WIPI1: variants seen among roughly 807,000 people sequenced by gnomAD.
WIPI1 encodes the protein WD repeat domain phosphoinositide-interacting protein 1.
WIPI1 carries 45 observed loss-of-function variants against 55.3 expected under a neutral mutation model. The ratio of observed to expected loss-of-function variants is 0.81; its 90% CI spans 0.64 to 1.04. WIPI1 has a LOEUF of 1.04. Among genes scored for constraint, WIPI1 ranks in the 50% least tolerant of loss-of-function variants. WIPI1 has a pLI of 0.00. For missense variants in WIPI1, 445 were observed against 559.0 expected (o/e 0.80, Z 2.06); for synonymous variants, 195 against 217.6 (o/e 0.90, Z 0.92).
At chr17:68,437,948 T>TAAAAAAAAAA (rs199649033) in intron 4 of WIPI1, among the ~76,000 whole-genome samples, 31 of 78,796 alleles carry the variant, frequency 3.9e-4, no homozygotes, top group African/African-American at 8.6e-4. Flanking sequence ...ACATCTCTCT[T>TAAAAAAAAAA]AAAAAAAAAA....
chr17:68,427,068 C>G (rs1016683749), intron 11 of WIPI1, 67 bp downstream of exon 11: 2 of 1,302,826 alleles, frequency 1.5e-6, no homozygotes, highest in Non-Finnish European at 2.2e-6. Flanking sequence ...GGGGAGGGAG[C>G]GTGCAGGGAG....
At position 68,457,480 on chromosome 17, in the gene WIPI1, G is replaced by T. The variant is rs1360378002; in HGVS notation, c.-59C>A. ...CCGGCGACAGCCACCTCAGCAGCCCGCCCGCGCCGGCTCCACGGGCCGGGT... is the reference window on the plus strand; with the variant it reads ...CCGGCGACAGCCACCTCAGCAGCCCTCCCGCGCCGGCTCCACGGGCCGGGT... On this transcript the variant is annotated 5_prime_UTR_variant, in exon 1 of 13. Transcript: ENST00000262139. The T allele has an allele frequency of 3.7e-6, 5 of 1,340,452 alleles. No homozygotes were observed. The highest frequency in any genetic ancestry group is 2.8e-4 in the Middle Eastern group (1 of 3,616). The allele number at this position is 1,340,452 out of a possible 1,614,324, so 83.0% of individuals were successfully genotyped here.
intron 11 of WIPI1, 79 bp from the exon 12 acceptor site, chr17:68,426,254 G>GGGCCGCGCCCCCCCCCCCCC: frequency 1.2e-6 from 1 of 816,924 alleles, no homozygotes; most frequent in Non-Finnish European, 1.9e-6. Flanking sequence ...GGGAGCGGGG[G>GGGCCGCGCCCCCCCCCCCCC]CTCAAATAAA....
intron 4 of WIPI1, among the ~76,000 whole-genome samples, chr17:68,439,388 AT>A (rs1369981423): frequency 6.6e-6 from 1 of 152,196 alleles, no homozygotes; most frequent in East Asian, 1.9e-4. Flanking sequence ...AGGAACCGAT[AT>A]TGTATGAGTC....
intron 4 of WIPI1, among the ~76,000 whole-genome samples, chr17:68,442,634 C>T (rs988138710): frequency 6.6e-6 from 1 of 152,158 alleles, no homozygotes; most frequent in Non-Finnish European, 1.5e-5. Context: ...CAGCTTCTAG[C>T]TTTCTGCATG....
In WIPI1 at chr17:68,430,040, T is replaced by C; in HGVS notation, c.921A>G (p.Ala307=). The change falls in exon 9 of 13, where the codon GCA becomes GCG. Residue 307 remains alanine, a synonymous_variant. Transcript: ENST00000262139. Reference sequence around the variant, plus strand: ...TCCTCTGTCCGGAGAAGTTCAAGCGTGCAGTGGCAAAAGCCCTGTCCTGAT... The same window carrying C: ...TCCTCTGTCCGGAGAAGTTCAAGCGCGCAGTGGCAAAAGCCCTGTCCTGAT... ...MMHQDRAFAT[A]RLNFSGQRNI... is the part of the protein sequence containing the mutation. 6.2e-7 allele frequency: 1 copy of C among 1,614,226 alleles called. No homozygotes were observed. Among genetic ancestry groups the C allele is most frequent in the Non-Finnish European group, 8.5e-7 (1 of 1,180,040 alleles).
chr17:68,426,247 A>AGGGGG lies in WIPI1; in HGVS notation c.1193-73_1193-72insCCCCC, dbSNP rs150170943. ...TTATGCCATGACCTGGCGGGTGGGG[A>AGGGGG]GCGGGGGCTCAAATAAAGGGCAAAG... On this transcript the variant is annotated intron_variant, in intron 11 of 12. Transcript: ENST00000262139. The AGGGGG allele has an allele frequency of 7.5e-6, 5 of 668,430 alleles. 1 individual carries two copies. The highest frequency in any genetic ancestry group is 3.7e-5 in the Admixed American group (1 of 27,206). 41.4% of individuals were successfully genotyped at this position (668,430 alleles called of 1,614,324 possible).
At chr17:68,439,942 G>A (rs973444831) in intron 4 of WIPI1, among the ~76,000 whole-genome samples, 1 of 152,302 alleles carries the variant, frequency 6.6e-6, no homozygotes, top group East Asian at 1.9e-4. Context: ...AGCCTTGGAC[G>A]CATACCTCCA....
chr17:68,428,941 G>A lies in WIPI1; in HGVS notation c.966-5C>T. ...AGCCGTGGCAACTTCTGGATCCTAA[G>A]GGCCAAGGAAAACATAAACCGTGAT... On this transcript the variant is annotated splice_polypyrimidine_tract_variant and splice_region_variant and intron_variant, in intron 9 of 12. Transcript: ENST00000262139. 2.5e-6 allele frequency: 4 copies of A among 1,610,698 alleles called. No homozygotes were observed. Among genetic ancestry groups the A allele is most frequent in the Non-Finnish European group, 8.5e-7 (1 of 1,177,470 alleles).
At chr17:68,426,254 G>GGGGGGGGGGGGT (rs1445054523) in intron 11 of WIPI1, 79 bp from the exon 12 acceptor site, 5 of 816,924 alleles carry the variant, frequency 6.1e-6, no homozygotes, top group Admixed American at 2.3e-5. Flanking sequence ...GGGAGCGGGG[G>GGGGGGGGGGGGT]CTCAAATAAA....
rs762350980 is a variant in WIPI1, at chr17:68,427,155, G to A, written c.1172C>T (p.Ser391Phe). The change falls in exon 11 of 13, where the codon TCT (serine) becomes TTT (phenylalanine). Residue 391 changes from serine (S) to phenylalanine (F), a missense_variant. Ser to Phe is a radical substitution (Grantham distance 155). Coordinates refer to ENST00000262139, the MANE Select transcript of WIPI1 (RefSeq NM_017983.7). ...YAATVARPSA[S>F]SASTVPGYSE... ...CCCACCTGGCACCGTGGAGGCTGAA[G>A]ATGCACTTGGTCTGGCTACGGTCGC... 6.2e-7 allele frequency: 1 copy of A among 1,614,070 alleles called. No individual in the cohort carries two copies. The highest frequency in any genetic ancestry group is 2.2e-5 in the East Asian group (1 of 44,880).
In WIPI1 at chr17:68,430,159, G is replaced by A. The variant is rs1444534653; in HGVS notation, c.802C>T (p.Arg268Ter). Residue 268 changes from arginine (R) to a stop codon, truncating the protein, a stop_gained and splice_region_variant, in exon 9 of 13, where the codon CGA (arginine) becomes TGA (stop). Transcript: ENST00000262139. LOFTEE classifies it high-confidence loss of function. ...IFKLEQVTNS[R>*]PEEPSTWSGY... ...CTCCAGGTCGAAGGCTCTTCTGGTC[G>A]ACTAGGGAGTAATGCACAGGCAACG... 1.9e-6 allele frequency: 3 copies of A among 1,611,740 alleles called. No individual in the cohort carries two copies. The highest frequency in any genetic ancestry group is 1.7e-6 in the Non-Finnish European group (2 of 1,179,094).
intron 1 of WIPI1, among the ~76,000 whole-genome samples, chr17:68,454,524 C>A (rs1461900320): frequency 6.6e-6 from 1 of 152,206 alleles, no homozygotes; most frequent in Non-Finnish European, 1.5e-5. Flanking sequence ...AGCCCTCCAA[C>A]CTGCTAAGTA....
intron 2 of WIPI1, among the ~76,000 whole-genome samples, chr17:68,452,542 G>A (rs1267865785): frequency 1.3e-5 from 2 of 152,186 alleles, no homozygotes; most frequent in African/African-American, 4.8e-5. Context: ...TCCAGCCTGG[G>A]TGATAGAGCA....
Position 68,435,679 on chromosome 17 carries a change from T to C in WIPI1, c.562A>G (p.Thr188Ala). Reference protein sequence around the residue: ...TVCTIAAHEGTLAAITFNASG... With the variant: ...TVCTIAAHEGALAAITFNASG... Reference sequence around the variant, plus strand: ...GCATTGAAGGTGATGGCAGCTAGTGTTCCCTCATGGGCAGCAATAGTGCAG... The same window carrying C: ...GCATTGAAGGTGATGGCAGCTAGTGCTCCCTCATGGGCAGCAATAGTGCAG... Residue 188 changes from threonine to alanine, a missense_variant, in exon 6 of 13, where the codon ACA (threonine) becomes GCA (alanine). Coordinates refer to ENST00000262139, the MANE Select transcript of WIPI1 (RefSeq NM_017983.7). 1 of 1,614,192 alleles carries C rather than the reference T, an allele frequency of 6.2e-7. No homozygotes were observed. The highest frequency in any genetic ancestry group is 1.1e-5 in the South Asian group (1 of 91,080).
Position 68,450,881 on chromosome 17 carries a change from G to C in WIPI1, c.180C>G (p.Val60=), listed in dbSNP as rs745830903. ...TGGAGAAGAGGCGCTCCACGATGTAGACGTCCGGGATTTCATCTGGGAGGA... is the reference window on the plus strand; with the variant it reads ...TGGAGAAGAGGCGCTCCACGATGTACACGTCCGGGATTTCATCTGGGAGGA... ...QVHGSNEIPD[V]YIVERLFSSS... The change falls in exon 3 of 13, where the codon GTC becomes GTG. Residue 60 remains valine, a synonymous_variant. Coordinates refer to ENST00000262139, the MANE Select transcript of WIPI1 (RefSeq NM_017983.7). The C allele has an allele frequency of 6.2e-7, 1 of 1,612,546 alleles. No individual in the cohort carries two copies. The highest frequency in any genetic ancestry group is 1.1e-5 in the South Asian group (1 of 90,918).
chr17:68,449,946 G>T (rs2084433173), intron 3 of WIPI1, among the ~76,000 whole-genome samples: 1 of 152,188 alleles, frequency 6.6e-6, no homozygotes, highest in Non-Finnish European at 1.5e-5. Context: ...GGGAGATGGA[G>T]GCTGCAGTGA....
intron 11 of WIPI1, 77 bp from the exon 12 acceptor site, chr17:68,426,252 G>GGGT: frequency 1.2e-6 from 1 of 828,184 alleles, no homozygotes; most frequent in Non-Finnish European, 1.9e-6. Context: ...TGGGGAGCGG[G>GGGT]GGCTCAAATA....
chr17:68,426,253 G>GGGGGT (rs1397110340), intron 11 of WIPI1, 78 bp from the exon 12 acceptor site: 2 of 841,006 alleles, frequency 2.4e-6, no homozygotes, highest in Admixed American at 2.3e-5. Flanking sequence ...GGGGAGCGGG[G>GGGGGT]GCTCAAATAA....
Sources: allele counts gnomAD v4.1 joint callset (sites outside exome capture counted in the v4.1 genomes callset), GRCh38; gene constraint gnomAD v4.1.1; transcripts MANE v1.5; gene names NCBI Gene and HGNC (gene_info 2026-07-23, HGNC 2026-07-21).